The following ASAP2 variants were observed in gnomAD, a reference collection of about 807,000 sequenced individuals.
The protein encoded by ASAP2 is arf-GAP with SH3 domain, ANK repeat and PH domain-containing protein 2.
In ASAP2, 45 loss-of-function variants were observed where a neutral mutation model predicts 131.4. That is an observed-to-expected ratio of 0.34 (90% CI 0.27 to 0.44). ASAP2 has a LOEUF of 0.44. Ranked by LOEUF, ASAP2 falls within the 20% of genes least tolerant of loss-of-function variation. ASAP2 has a pLI of 1.00. For missense variants in ASAP2, 1,011 were observed against 1,297.0 expected (o/e 0.78, Z 3.39); for synonymous variants, 510 against 503.0 (o/e 1.01, Z -0.19).
intron 9 of ASAP2, among the ~76,000 whole-genome samples, chr2:9,335,391 C>A (rs1478958178): frequency 6.6e-6 from 1 of 152,218 alleles, no homozygotes. Context: ...TTACTACATG[C>A]ATGGCCTTAA....
chr2:9,340,582 A>G (rs1454939391), intron 9 of ASAP2, among the ~76,000 whole-genome samples: 2 of 152,234 alleles, frequency 1.3e-5, no homozygotes, highest in East Asian at 1.9e-4. Flanking sequence ...CATACCTGTC[A>G]TATCTTCAGA....
rs1666092136 is a variant in ASAP2 at position 9,268,465 on chromosome 2, G to T, written c.127-10852G>T. Among the ~76,000 whole-genome samples the T allele has an allele frequency of 5.3e-5, 8 of 152,108 alleles. No individual in the cohort carries two copies. The South Asian group carries it at 1.7e-3, about 32-fold the overall frequency. On this transcript the variant is annotated intron_variant, in intron 1 of 27. Transcript: ENST00000281419. This position sits in a 1 kb window ranked among gnomAD's most constrained non-coding sequence, Gnocchi z 4.1. Reference sequence around the variant, plus strand: ...CTTAGCGACACCTGCTATTCTTCAGGCCTGGCTTTATTCCCACAAGGGGGG... The same window carrying T: ...CTTAGCGACACCTGCTATTCTTCAGTCCTGGCTTTATTCCCACAAGGGGGG...
At chr2:9,368,571 C>G (rs1673665025) in intron 16 of ASAP2, 52 bp downstream of exon 16, 1 of 1,531,564 alleles carries the variant, frequency 6.5e-7, no homozygotes, top group Non-Finnish European at 9.0e-7. Flanking sequence ...TTGCCTTTGC[C>G]CGAGCCCCGG....
At chr2:9,278,170 G>A (rs936891727) in intron 1 of ASAP2, among the ~76,000 whole-genome samples, 4 of 152,116 alleles carry the variant, frequency 2.6e-5, no homozygotes, top group South Asian at 4.1e-4. Context: ...GATTGGCATC[G>A]CTATCCCAGT....
At chr2:9,356,428 A>T in intron 14 of ASAP2, 83 bp downstream of exon 14, 1 of 1,423,096 alleles carries the variant, frequency 7.0e-7, no homozygotes, top group Non-Finnish European at 9.4e-7. Flanking sequence ...ATTGATTTTC[A>T]CTTTCATTTC....
intron 12 of ASAP2, among the ~76,000 whole-genome samples, chr2:9,353,962 G>A (rs1466802106): frequency 6.6e-6 from 1 of 152,090 alleles, no homozygotes; most frequent in Non-Finnish European, 1.5e-5. Context: ...GTAATAGAGG[G>A]AGACCTTGTC....
At chr2:9,314,094 C>T (rs1024649344) in intron 3 of ASAP2, among the ~76,000 whole-genome samples, 2 of 152,202 alleles carry the variant, frequency 1.3e-5, no homozygotes, top group African/African-American at 4.8e-5. Context: ...AGTGATTCTC[C>T]TGCCTCAGCC....
intron 16 of ASAP2, among the ~76,000 whole-genome samples, chr2:9,373,265 G>A (rs1290214832): frequency 6.6e-6 from 1 of 152,202 alleles, no homozygotes; most frequent in African/African-American, 2.4e-5. Flanking sequence ...AGTCCTTCCT[G>A]GGCTGTGAAG....
chr2:9,358,434 A>G (rs1201827366), intron 14 of ASAP2, among the ~76,000 whole-genome samples: 1 of 152,152 alleles, frequency 6.6e-6, no homozygotes, highest in Non-Finnish European at 1.5e-5. Flanking sequence ...GGTGATGGGC[A>G]TGGTGTGTTT....
intron 15 of ASAP2, among the ~76,000 whole-genome samples, chr2:9,360,864 TC>T: frequency 6.6e-6 from 1 of 152,174 alleles, no homozygotes; most frequent in East Asian, 1.9e-4. Context: ...CTTGCAAAAT[TC>T]CTGAAATTTT....
Position 9,352,059 on chromosome 2 carries a change from C to A in ASAP2, c.1111+1164C>A, listed in dbSNP as rs1672370469. Reference sequence around the variant, plus strand: ...ATGTTATAAAATGCTGAGTACTGGCCAGAGTTTAAAATGTGATTGCAAGCC... The same window carrying A: ...ATGTTATAAAATGCTGAGTACTGGCAAGAGTTTAAAATGTGATTGCAAGCC... On this transcript the variant is annotated intron_variant, in intron 12 of 27. Transcript: ENST00000281419. 2.6e-5 allele frequency among the ~76,000 whole-genome samples: 4 copies of A among 152,262 alleles called. No homozygotes were observed. In the South Asian group the frequency reaches 8.3e-4, roughly 32 times the overall value.
intron 7 of ASAP2, among the ~76,000 whole-genome samples, chr2:9,329,016 G>A (rs1490689893): frequency 1.3e-5 from 2 of 152,178 alleles, no homozygotes; most frequent in African/African-American, 2.4e-5. Context: ...CCAGCACACA[G>A]TGCCCGGAAC....
chr2:9,306,605 G>A (rs2148443298), intron 3 of ASAP2, among the ~76,000 whole-genome samples: 1 of 151,982 alleles, frequency 6.6e-6, no homozygotes. Context: ...GAAAATGGGG[G>A]GCTGTGAGCT....
At chr2:9,358,397 G>C (rs1268569191) in intron 14 of ASAP2, among the ~76,000 whole-genome samples, 2 of 152,128 alleles carry the variant, frequency 1.3e-5, no homozygotes, top group Admixed American at 6.6e-5. Flanking sequence ...TTTTCCTCTT[G>C]CTCCATTCTG....
intron 1 of ASAP2, among the ~76,000 whole-genome samples, chr2:9,238,020 C>A (rs918684397): frequency 6.6e-6 from 1 of 152,044 alleles, no homozygotes; most frequent in African/African-American, 2.4e-5. Context: ...CATGTGTGGA[C>A]TGGGGTTTCC....
At position 9,356,413 on chromosome 2, in the gene ASAP2, C is replaced by T. The variant is rs747928952; in HGVS notation, c.1327+68C>T. 2.9e-5 allele frequency: 42 copies of T among 1,440,016 alleles called. No homozygotes were observed. In the South Asian group the frequency reaches 3.6e-4, roughly 12 times the overall value. The allele number at this position is 1,440,016 out of a possible 1,614,324, so 89.2% of individuals were successfully genotyped here. A position where few individuals can be genotyped will look rare whatever the true frequency, so the allele number is the denominator to read the frequency against. On this transcript the variant is annotated intron_variant, in intron 14 of 27. Transcript: ENST00000281419. ...CAATCCCATTCTGATTCACAGAATC[C>T]GTTCATTGATTTTCACTTTCATTTC...
At chr2:9,255,478 A>G (rs1665090149) in intron 1 of ASAP2, among the ~76,000 whole-genome samples, 1 of 152,272 alleles carries the variant, frequency 6.6e-6, no homozygotes, top group Admixed American at 6.5e-5. Context: ...AATTTTAAAA[A>G]GATGGCCTCA....
At chr2:9,245,343 G>T (rs1209182514) in intron 1 of ASAP2, among the ~76,000 whole-genome samples, 1 of 152,156 alleles carries the variant, frequency 6.6e-6, no homozygotes, top group Non-Finnish European at 1.5e-5. Context: ...CCTGGGGTGG[G>T]TGGGGGCTGC....
rs756824864 is a variant in ASAP2, at chr2:9,341,744, C to T, written c.850-2788C>T. On this transcript the variant is annotated intron_variant, in intron 9 of 27. Coordinates refer to ENST00000281419, the MANE Select transcript of ASAP2 (RefSeq NM_003887.3). ...CCTTCCACAGCATTGTTCTCAGCAA[C>T]GTTGAAAGCTGGATTTGCTCTAAAT... Among the ~76,000 whole-genome samples the T allele has an allele frequency of 4.6e-5, 7 of 152,282 alleles. No individual in the cohort carries two copies. In the South Asian group the frequency reaches 1.5e-3, roughly 32 times the overall value.
Sources: gnomAD v4.1 joint callset for allele counts (sites outside exome capture counted in the v4.1 genomes callset) on GRCh38, gnomAD v4.1.1 for gene constraint, Gnocchi (gnomAD v3.1) non-coding constraint, MANE v1.5 for transcripts, NCBI Gene and HGNC (gene_info 2026-07-23, HGNC 2026-07-21) for gene names.